ADCY2: variants seen among roughly 807,000 people sequenced by gnomAD.
ADCY2 encodes the protein adenylate cyclase type 2.
Under a neutral mutation model 125.2 loss-of-function variants are expected in ADCY2, and 31 were observed. The ratio of observed to expected loss-of-function variants is 0.25; its 90% CI spans 0.19 to 0.33. The LOEUF (loss-of-function observed/expected upper bound fraction) is 0.33, where lower values mean the gene tolerates loss of function less well. Ranked by LOEUF, ADCY2 falls within the 10% of genes least tolerant of loss-of-function variation. The probability of loss-of-function intolerance (pLI) is 1.00; values close to 1 mark genes in which losing one functional copy is unlikely to be tolerated. For synonymous variants in ADCY2, 512 were observed against 548.4 expected (o/e 0.93, Z 0.93); for missense variants, 904 against 1,418.2 (o/e 0.64, Z 5.82).
chr5:7,613,234 C>G (rs1737633650), intron 3 of ADCY2, among the ~76,000 whole-genome samples: 2 of 151,910 alleles, frequency 1.3e-5, no homozygotes, highest in Non-Finnish European at 2.9e-5. Flanking sequence ...TGGAGAAGCC[C>G]TAGGAATCCC....
chr5:7,717,597 C>A (rs954928958), intron 12 of ADCY2, among the ~76,000 whole-genome samples: 3 of 152,158 alleles, frequency 2.0e-5, no homozygotes, highest in Non-Finnish European at 4.4e-5. Flanking sequence ...CAAAATGCAT[C>A]TGTTCTTATT....
At chr5:7,780,938 C>T (rs776118617) in intron 18 of ADCY2, among the ~76,000 whole-genome samples, 5 of 152,190 alleles carry the variant, frequency 3.3e-5, no homozygotes, top group Admixed American at 1.3e-4. Flanking sequence ...CAACCTCAGG[C>T]GGAGGGCCAA....
chr5:7,689,007 A>G (rs1221462706), intron 4 of ADCY2, among the ~76,000 whole-genome samples: 1 of 152,224 alleles, frequency 6.6e-6, no homozygotes, highest in East Asian at 1.9e-4. Context: ...ATGATGGAGT[A>G]GTTCTTTATA....
intron 2 of ADCY2, among the ~76,000 whole-genome samples, chr5:7,433,164 G>A (rs1405979371): frequency 6.6e-6 from 1 of 152,144 alleles, no homozygotes; most frequent in Non-Finnish European, 1.5e-5. Context: ...TTTCCATTCA[G>A]ATATGCTCAC....
Position 7,690,703 on chromosome 5 carries a change from C to G in ADCY2, c.733C>G (p.Leu245Val). ...CCACCTTGTCCAGGAGCGGCTTCTG[C>G]TCTCCCTGCTGCCGGCCCACATCGC... is the stretch of plus-strand genomic sequence containing the variant. ...FEKRQQERLL[L>V]SLLPAHIAME... Residue 245 changes from leucine (L) to valine (V), a missense_variant, in exon 5 of 25, where the codon CTC becomes GTC. Physicochemically the swap from Leu to Val is conservative, Grantham distance 32. Around this residue, in one of 7 missense-constraint regions of ADCY2, gnomAD observed 117 missense variants for 248.0 expected, o/e 0.47. Coordinates refer to ENST00000338316, the MANE Select transcript of ADCY2 (RefSeq NM_020546.3). 6.3e-7 allele frequency: 1 copy of G among 1,593,036 alleles called. No individual in the cohort carries two copies. The highest frequency in any genetic ancestry group is 8.5e-7 in the Non-Finnish European group (1 of 1,171,298).
intron 2 of ADCY2, among the ~76,000 whole-genome samples, chr5:7,434,024 A>T (rs1740705571): frequency 6.6e-6 from 1 of 152,220 alleles, no homozygotes; most frequent in African/African-American, 2.4e-5. Context: ...GTTTTCAAAA[A>T]AGTGCAGAGG....
chr5:7,758,794 A>G (rs1743099706), intron 16 of ADCY2, among the ~76,000 whole-genome samples: 2 of 152,086 alleles, frequency 1.3e-5, no homozygotes, highest in South Asian at 4.2e-4. Flanking sequence ...ATGGGCCTGG[A>G]GGAAGTGAGG....
intron 2 of ADCY2, among the ~76,000 whole-genome samples, chr5:7,511,479 G>A (rs1045983665): frequency 3.3e-5 from 5 of 152,074 alleles, no homozygotes; most frequent in Admixed American, 6.5e-5. Flanking sequence ...GGAGGCTGAG[G>A]CAGGAGAATT....
chr5:7,732,181 G>A (rs1742123963), intron 14 of ADCY2, among the ~76,000 whole-genome samples: 1 of 152,206 alleles, frequency 6.6e-6, no homozygotes, highest in South Asian at 2.1e-4. Context: ...CACTAAGGAG[G>A]TCAAGTGAAT....
rs200120756 is a variant in ADCY2, at chr5:7,664,263, A to AT, written c.721-26419dup. Among the ~76,000 whole-genome samples the AT allele has an allele frequency of 3.8e-3, 570 of 151,966 alleles. 4 individuals are homozygous for AT. Among genetic ancestry groups the AT allele is most frequent in the Middle Eastern group, 0.01 (3 of 294 alleles). The stretch of plus-strand genomic sequence containing the variant: ...AACTGTTCAATGTGAAAAACATGTG[A>AT]TTTTTTTTTCTCTCAGCTGAATTGA... On this transcript the variant is annotated intron_variant, in intron 4 of 24. Coordinates refer to ENST00000338316, the MANE Select transcript of ADCY2 (RefSeq NM_020546.3).
Position 7,804,572 on chromosome 5 carries a change from C to A in ADCY2, c.2776-13C>A. 6.2e-7 allele frequency: 1 copy of A among 1,606,892 alleles called. No homozygotes were observed. Among genetic ancestry groups the A allele is most frequent in the South Asian group, 1.1e-5 (1 of 90,918 alleles). On this transcript the variant is annotated splice_polypyrimidine_tract_variant and intron_variant, in intron 21 of 24. Transcript: ENST00000338316. Reference sequence around the variant, plus strand: ...TCCAGCTGAGTAACTGGACGGTTGTCATTGCTTCACAGCTTCTTTCCAAGC... The same window carrying A: ...TCCAGCTGAGTAACTGGACGGTTGTAATTGCTTCACAGCTTCTTTCCAAGC...
intron 20 of ADCY2, chr5:7,796,455 A>G (rs1185260529): frequency 2.0e-5 from 3 of 152,244 alleles, no homozygotes; most frequent in African/African-American, 7.2e-5. Context: ...CACTGCATCA[A>G]TGCACAAAAG....
intron 2 of ADCY2, among the ~76,000 whole-genome samples, chr5:7,428,029 A>T (rs1740449717): frequency 6.6e-6 from 1 of 152,166 alleles, no homozygotes; most frequent in South Asian, 2.1e-4. Context: ...CCCCTCTAAG[A>T]CTGAGCCCTG....
At chr5:7,399,673 T>A (rs1044409253) in intron 1 of ADCY2, among the ~76,000 whole-genome samples, 1 of 152,236 alleles carries the variant, frequency 6.6e-6, no homozygotes, top group African/African-American at 2.4e-5. Flanking sequence ...TTTGATGGCA[T>A]GTCTTGAATT....
chr5:7,786,236 G>A (rs898854075), intron 19 of ADCY2, among the ~76,000 whole-genome samples: 1 of 152,180 alleles, frequency 6.6e-6, no homozygotes, highest in African/African-American at 2.4e-5. Context: ...ATCATTGAGT[G>A]AATGACTTAC....
intron 20 of ADCY2, chr5:7,800,780 C>T (rs1160370285): frequency 6.6e-6 from 1 of 152,054 alleles, no homozygotes; most frequent in Non-Finnish European, 1.5e-5. Context: ...ACACAAGATC[C>T]TAGGGGGTTC....
At chr5:7,544,387 A>C (rs1186000543) in intron 3 of ADCY2, among the ~76,000 whole-genome samples, 1 of 152,128 alleles carries the variant, frequency 6.6e-6, no homozygotes, top group Non-Finnish European at 1.5e-5. Flanking sequence ...TTATGAGAGA[A>C]TCTCTATCCT....
At chr5:7,803,378 G>T (rs1185222511) in intron 21 of ADCY2, among the ~76,000 whole-genome samples, 1 of 152,214 alleles carries the variant, frequency 6.6e-6, no homozygotes, top group Non-Finnish European at 1.5e-5. Flanking sequence ...AGAGATCCAA[G>T]GGAGGGGCAA....
At chr5:7,805,744 A>C (rs1338520155) in intron 22 of ADCY2, among the ~76,000 whole-genome samples, 1 of 152,150 alleles carries the variant, frequency 6.6e-6, no homozygotes, top group Non-Finnish European at 1.5e-5. Context: ...ACCATAACAG[A>C]GCTCCCTCTT....
Sources: allele counts gnomAD v4.1 joint callset (sites outside exome capture counted in the v4.1 genomes callset), GRCh38; gene constraint gnomAD v4.1.1; regional missense constraint gnomAD v4.1.1; transcripts MANE v1.5; gene names NCBI Gene and HGNC (gene_info 2026-07-23, HGNC 2026-07-21).